The following CDH12 variants were observed in gnomAD, a reference collection of about 807,000 sequenced individuals.
The protein encoded by CDH12 is cadherin-12.
In CDH12, 41 loss-of-function variants were observed where a neutral mutation model predicts 74.1. The observed-to-expected ratio is 0.55, with a 90% confidence interval of 0.43 to 0.72. The LOEUF (loss-of-function observed/expected upper bound fraction) is 0.72. CDH12 is among the 30% of genes least tolerant of loss of function. The pLI, the probability that CDH12 is intolerant of heterozygous loss-of-function variation, is 0.00. For synonymous variants in CDH12, 399 were observed against 355.0 expected, an observed-to-expected ratio of 1.12 and a Z score of -1.39; for missense variants, 945 against 977.2, an observed-to-expected ratio of 0.97 and a Z score of 0.44.
rs528366657 is a variant in CDH12, at chr5:21,837,225, T to C, written c.814+4936A>G. ...AGTCTAGATCCTCATCACATCATCATATCAAATTGGCAGTGATATCTGGTA... is the reference window on the plus strand; with the variant it reads ...AGTCTAGATCCTCATCACATCATCACATCAAATTGGCAGTGATATCTGGTA... On this transcript the variant is annotated intron_variant, in intron 8 of 14. Coordinates refer to ENST00000382254, the MANE Select transcript of CDH12 (RefSeq NM_004061.5). Among the ~76,000 whole-genome samples, 9 of 152,200 alleles carry C rather than the reference T, an allele frequency of 5.9e-5. No homozygotes were observed. The South Asian group carries it at 1.9e-3, about 32-fold the overall frequency.
At chr5:22,511,734 A>G (rs148987598) in intron 1 of CDH12, among the ~76,000 whole-genome samples, 168 of 152,316 alleles carry the variant, frequency 1.1e-3, no homozygotes, top group Non-Finnish European at 2.0e-3. Flanking sequence ...CTGCTCCTAT[A>G]TGCATGTCTA....
intron 1 of CDH12, among the ~76,000 whole-genome samples, chr5:22,794,146 G>A (rs1748063869): frequency 6.6e-6 from 1 of 152,104 alleles, no homozygotes; most frequent in Admixed American, 6.6e-5. Context: ...AAGCTCATAT[G>A]TCCCAGAAAT....
chr5:22,657,327 T>A (rs895517676), intron 1 of CDH12, among the ~76,000 whole-genome samples: 3 of 152,128 alleles, frequency 2.0e-5, no homozygotes, highest in Non-Finnish European at 4.4e-5. Flanking sequence ...GGAGGCTGAT[T>A]ATGTGAGTAT....
rs1742645067 is a variant in CDH12 at position 22,080,423 on chromosome 5, T to C, written c.-186-1561A>G. On this transcript the variant is annotated intron_variant, in intron 4 of 14. Coordinates refer to ENST00000382254, the MANE Select transcript of CDH12 (RefSeq NM_004061.5). ...TAGGGCAAACCTAAAAAAAATAAAA[T>C]AAAACCGGATATAAATTTTTTTCTT... Among the ~76,000 whole-genome samples, 2 of 152,078 alleles carry C rather than the reference T, an allele frequency of 1.3e-5. 1 individual carries two copies. Among genetic ancestry groups the C allele is most frequent in the South Asian group, 4.1e-4 (2 of 4,822 alleles).
chr5:22,673,463 T>G (rs1456246313), intron 1 of CDH12, among the ~76,000 whole-genome samples: 1 of 152,156 alleles, frequency 6.6e-6, no homozygotes, highest in African/African-American at 2.4e-5. Flanking sequence ...TAACTTTGCA[T>G]CTTTTCATTT....
intron 3 of CDH12, among the ~76,000 whole-genome samples, chr5:22,240,200 C>T (rs1235329755): frequency 6.6e-6 from 1 of 152,118 alleles, no homozygotes; most frequent in Non-Finnish European, 1.5e-5. Flanking sequence ...AATGCTAATA[C>T]TTATATAGTT....
intron 2 of CDH12, among the ~76,000 whole-genome samples, chr5:22,459,834 C>T (rs1337946535): frequency 6.6e-6 from 1 of 152,008 alleles, no homozygotes; most frequent in Non-Finnish European, 1.5e-5. Flanking sequence ...GGCATGGTGG[C>T]ACACACCTGT....
intron 4 of CDH12, among the ~76,000 whole-genome samples, chr5:22,112,244 G>A (rs1744858532): frequency 6.6e-6 from 1 of 152,050 alleles, no homozygotes; most frequent in Non-Finnish European, 1.5e-5. Context: ...ATAAGCCTGG[G>A]ATGCTTTTTC....
Position 21,802,433 on chromosome 5 carries a change from C to G in CDH12, c.1003-13G>C. ...CAAAATCTAAAGGCTGTAGTGAGGA[C>G]AAATTAAGAATAAGGAGTAAATTTA... On this transcript the variant is annotated splice_polypyrimidine_tract_variant and intron_variant, in intron 9 of 14. Coordinates refer to ENST00000382254, the MANE Select transcript of CDH12 (RefSeq NM_004061.5). 2 of 1,605,722 alleles carry G rather than the reference C, an allele frequency of 1.2e-6. No individual in the cohort carries two copies. The highest frequency in any genetic ancestry group is 1.7e-6 in the Non-Finnish European group (2 of 1,173,120).
At chr5:22,523,070 T>G (rs1414105759) in intron 1 of CDH12, among the ~76,000 whole-genome samples, 2 of 152,176 alleles carry the variant, frequency 1.3e-5, no homozygotes, top group Admixed American at 1.3e-4. Flanking sequence ...TCCCTCCTGG[T>G]TGGCCTTAGC....
In CDH12 at chr5:22,663,654, T is replaced by A. The variant is rs140812145; in HGVS notation, c.-522-158290A>T. On this transcript the variant is annotated intron_variant, in intron 1 of 14. Transcript: ENST00000382254. ...ATGCTTCATTACATTTTAATAAACT[T>A]GGCTGATTTAAAATATTCAGTAAAA... Among the ~76,000 whole-genome samples the A allele has an allele frequency of 5.6e-4, 85 of 152,266 alleles. No homozygotes were observed. In the East Asian group the frequency reaches 0.014, roughly 24 times the overall value.
intron 1 of CDH12, among the ~76,000 whole-genome samples, chr5:22,792,814 C>G (rs1239400858): frequency 6.6e-6 from 1 of 152,184 alleles, no homozygotes; most frequent in East Asian, 1.9e-4. Context: ...CACAATTACA[C>G]TGGATATCTC....
At chr5:22,678,898 A>G (rs1334451135) in intron 1 of CDH12, among the ~76,000 whole-genome samples, 2 of 152,156 alleles carry the variant, frequency 1.3e-5, no homozygotes, top group Non-Finnish European at 2.9e-5. Flanking sequence ...AGAGATCTAT[A>G]TCTTTAAAGG....
chr5:22,195,027 G>A (rs1348974182), intron 4 of CDH12, among the ~76,000 whole-genome samples: 1 of 152,214 alleles, frequency 6.6e-6, no homozygotes, highest in African/African-American at 2.4e-5. Context: ...GTCAGTTGAT[G>A]AAAATAGGAC....
chr5:21,822,309 A>C (rs1355889911), intron 8 of CDH12, among the ~76,000 whole-genome samples: 2 of 151,986 alleles, frequency 1.3e-5, no homozygotes, highest in Non-Finnish European at 2.9e-5. Context: ...AATAGCCAAT[A>C]GGAAACTGTC....
intron 8 of CDH12, among the ~76,000 whole-genome samples, chr5:21,840,169 A>G (rs1424431940): frequency 6.6e-6 from 1 of 152,196 alleles, no homozygotes; most frequent in African/African-American, 2.4e-5. Flanking sequence ...CAGAATTCTA[A>G]TGTTAATTAT....
intron 2 of CDH12, among the ~76,000 whole-genome samples, chr5:22,445,463 T>C (rs1365215025): frequency 6.6e-6 from 1 of 152,154 alleles, no homozygotes; most frequent in Non-Finnish European, 1.5e-5. Context: ...ATCAATGGCA[T>C]GTCACAAGGA....
chr5:22,644,327 A>G (rs1181416685), intron 1 of CDH12, among the ~76,000 whole-genome samples: 1 of 152,156 alleles, frequency 6.6e-6, no homozygotes, highest in African/African-American at 2.4e-5. Context: ...TCTAGTGAAC[A>G]CATGAGTAAT....
chr5:22,838,461 T>G (rs1736928539), intron 1 of CDH12, among the ~76,000 whole-genome samples: 1 of 152,154 alleles, frequency 6.6e-6, no homozygotes, highest in Non-Finnish European at 1.5e-5. Flanking sequence ...CATTCTAAAA[T>G]TGAATCTCTT....
Sources: allele counts gnomAD v4.1 joint callset (sites outside exome capture counted in the v4.1 genomes callset), GRCh38; gene constraint gnomAD v4.1.1; transcripts MANE v1.5; gene names NCBI Gene and HGNC (gene_info 2026-07-23, HGNC 2026-07-21).